Variants in ETV1 observed in about 807,000 individuals in gnomAD.
The protein encoded by ETV1 is ETS variant transcription factor 1, also known as ETS translocation variant 1.
A neutral mutation model predicts 62.3 loss-of-function variants in ETV1; 27 were observed. The ratio of observed to expected loss-of-function variants is 0.43; its 90% CI spans 0.32 to 0.60. The LOEUF is 0.60. Among genes scored for constraint, ETV1 ranks in the 20% least tolerant of loss-of-function variants. ETV1 has a pLI of 0.06. For missense variants in ETV1, 605 were observed against 605.8 expected (o/e 1.00, Z 0.01); for synonymous variants, 222 against 199.6 (o/e 1.11, Z -0.94).
chr7:13,925,613 T>C (rs1157258391), intron 9 of ETV1, among the ~76,000 whole-genome samples: 2 of 151,830 alleles, frequency 1.3e-5, no homozygotes, highest in African/African-American at 4.8e-5. Context: ...CTGCCCAGGC[T>C]GGAGTGCGGT....
intron 5 of ETV1, among the ~76,000 whole-genome samples, chr7:13,983,621 CTT>C (rs34955846): frequency 2.1e-5 from 3 of 144,808 alleles, no homozygotes; most frequent in Admixed American, 6.9e-5. Context: ...TATTCCCTGA[CTT>C]TTTTTTTTTT....
chr7:13,906,879 G>A lies in ETV1; in HGVS notation c.941-280C>T, dbSNP rs78251050. Among the ~76,000 whole-genome samples, 666 of 151,774 alleles carry A rather than the reference G, an allele frequency of 4.4e-3. 16 individuals carry two copies. Among genetic ancestry groups the A allele is most frequent in the Admixed American group, 0.035 (534 of 15,232 alleles). ...CACATCATTTACTTACAAAAATATT[G>A]TGGAACTATCTTTTTTTTTAAATTG... On this transcript the variant is annotated intron_variant, in intron 11 of 13. Coordinates refer to ENST00000430479, the MANE Select transcript of ETV1 (RefSeq NM_004956.5).
intron 5 of ETV1, among the ~76,000 whole-genome samples, chr7:13,985,725 A>G (rs551967202): frequency 5.9e-4 from 90 of 152,288 alleles, no homozygotes; most frequent in African/African-American, 2.0e-3. Flanking sequence ...ATTTCCCACA[A>G]ACCACACCAT....
intron 5 of ETV1, among the ~76,000 whole-genome samples, chr7:13,978,715 A>G (rs1223823496): frequency 6.6e-6 from 1 of 151,962 alleles, no homozygotes; most frequent in East Asian, 1.9e-4. Context: ...CTACATTTTA[A>G]AAAAATTTTA....
chr7:13,967,739 T>C (rs1780450276), intron 6 of ETV1, among the ~76,000 whole-genome samples: 1 of 151,932 alleles, frequency 6.6e-6, no homozygotes, highest in East Asian at 1.9e-4. Context: ...TAACAAACAC[T>C]AAGCATACAA....
intron 5 of ETV1, among the ~76,000 whole-genome samples, chr7:13,982,534 C>G (rs1782095760): frequency 6.6e-6 from 1 of 151,930 alleles, no homozygotes; most frequent in African/African-American, 2.4e-5. Flanking sequence ...TATCTGCTGT[C>G]TTTAAGTCAA....
At chr7:13,976,260 G>T (rs1449226093) in intron 6 of ETV1, among the ~76,000 whole-genome samples, 1 of 152,152 alleles carries the variant, frequency 6.6e-6, no homozygotes, top group Non-Finnish European at 1.5e-5. Flanking sequence ...TTCAGCTTGG[G>T]ATACAAAAAA....
rs1461534272 is a variant in ETV1, at chr7:13,924,452, ATAATT to A, written c.802+7045_802+7049del. Among the ~76,000 whole-genome samples, 3 of 152,320 alleles carry A rather than the reference ATAATT, an allele frequency of 2.0e-5. No homozygotes were observed. In the East Asian group the frequency reaches 5.8e-4, roughly 29 times the overall value. ...TTAAAAGAAAGCAGAATGCATCTTCATAATTTATATCGTTGAATTGCTCTATTTTG... is the reference window on the plus strand; with the variant it reads ...TTAAAAGAAAGCAGAATGCATCTTCATATATCGTTGAATTGCTCTATTTTG... On this transcript the variant is annotated intron_variant, in intron 9 of 13. Coordinates refer to ENST00000430479, the MANE Select transcript of ETV1 (RefSeq NM_004956.5).
intron 6 of ETV1, among the ~76,000 whole-genome samples, chr7:13,961,741 C>T (rs567744975): frequency 7.9e-5 from 12 of 152,114 alleles, no homozygotes; most frequent in Non-Finnish European, 1.0e-4. Context: ...CTAACTGATC[C>T]TATAGTAGGG....
intron 13 of ETV1, among the ~76,000 whole-genome samples, chr7:13,900,033 G>A (rs1342875030): frequency 2.0e-5 from 3 of 152,208 alleles, no homozygotes; most frequent in Non-Finnish European, 2.9e-5. Flanking sequence ...GGAGGCTGAG[G>A]CAGGAGAACT....
intron 6 of ETV1, among the ~76,000 whole-genome samples, chr7:13,943,924 C>T (rs964973955): frequency 6.6e-6 from 1 of 152,074 alleles, no homozygotes; most frequent in Non-Finnish European, 1.5e-5. Flanking sequence ...GTTACTTGAA[C>T]ATGTATGGCC....
At chr7:13,908,151 T>C (rs77021439) in intron 11 of ETV1, among the ~76,000 whole-genome samples, 3,431 of 152,250 alleles carry the variant, frequency 0.023, 79 homozygotes, top group Middle Eastern at 0.058. Context: ...TTTTCTTTCT[T>C]CTTGTTCTAC....
At chr7:13,949,235 C>T (rs1286098405) in intron 6 of ETV1, among the ~76,000 whole-genome samples, 6 of 151,930 alleles carry the variant, frequency 3.9e-5, no homozygotes, top group Non-Finnish European at 7.4e-5. Flanking sequence ...TATTTAAGAC[C>T]AGATACAAGC....
At chr7:13,938,981 C>A in intron 7 of ETV1, 136 bp downstream of exon 7, 1 of 799,040 alleles carries the variant, frequency 1.3e-6, no homozygotes, top group Non-Finnish European at 2.0e-6. Flanking sequence ...TAGAGTTCTG[C>A]TAAATGCATT....
intron 6 of ETV1, among the ~76,000 whole-genome samples, chr7:13,961,718 T>TA (rs1296835833): frequency 6.6e-6 from 1 of 152,194 alleles, no homozygotes; most frequent in Non-Finnish European, 1.5e-5. Flanking sequence ...CCCATAATCT[T>TA]ACACATAAGA....
chr7:13,901,782 T>C (rs1440910953), intron 12 of ETV1, among the ~76,000 whole-genome samples: 2 of 152,002 alleles, frequency 1.3e-5, no homozygotes, highest in Non-Finnish European at 2.9e-5. Context: ...ATGCTAAAAA[T>C]AAGAAGGAAG....
intron 5 of ETV1, 21 bp from the exon 6 acceptor site, chr7:13,977,501 T>TA (rs5882424): frequency 0.52 from 767,314 of 1,465,306 alleles, 204,428 homozygotes; most frequent in Admixed American, 0.63. Context: ...AAAAGAAAAT[T>TA]AAAAAAAATT....
At chr7:13,896,748 G>GAA (rs981047365) in intron 13 of ETV1, among the ~76,000 whole-genome samples, 4 of 131,196 alleles carry the variant, frequency 3.0e-5, no homozygotes, top group African/African-American at 6.0e-5. Context: ...AGAAAGGAAA[G>GAA]AAAGAAAGAA....
Position 13,895,557 on chromosome 7 carries a change from A to T in ETV1, c.*309T>A, listed in dbSNP as rs544035390. The T allele has an allele frequency of 6.0e-5, 21 of 349,916 alleles. No homozygotes were observed. Among genetic ancestry groups the T allele is most frequent in the Non-Finnish European group, 9.5e-5 (18 of 190,394 alleles). 21.7% of individuals were successfully genotyped at this position (349,916 alleles called of 1,614,324 possible). ...AATCAAACAGACATGATATAGTTTC[A>T]TCATACTCAAAACTTGTAGGACCCC... On this transcript the variant is annotated 3_prime_UTR_variant, in exon 14 of 14. Coordinates refer to ENST00000430479, the MANE Select transcript of ETV1 (RefSeq NM_004956.5).
Sources: allele counts gnomAD v4.1 joint callset (sites outside exome capture counted in the v4.1 genomes callset), GRCh38; gene constraint gnomAD v4.1.1; transcripts MANE v1.5; gene names NCBI Gene and HGNC (gene_info 2026-07-23, HGNC 2026-07-21).